GPM6B: variants seen among roughly 807,000 people sequenced by gnomAD.
The protein encoded by GPM6B is glycoprotein M6B.
A neutral mutation model predicts 27.2 loss-of-function variants in GPM6B; 4 were observed. The ratio of observed to expected loss-of-function variants is 0.15; its 90% CI spans 0.07 to 0.34. GPM6B has a LOEUF of 0.34. Among genes scored for constraint, GPM6B ranks in the 10% least tolerant of loss-of-function variants. The pLI is 1.00. For synonymous variants in GPM6B, 124 were observed against 103.1 expected, an observed-to-expected ratio of 1.20 and a Z score of -1.23; for missense variants, 183 against 261.9, an observed-to-expected ratio of 0.70 and a Z score of 2.08.
chrX:13,786,131 G>C (rs991725473), intron 2 of GPM6B, among the ~76,000 whole-genome samples: 1 of 112,499 alleles, frequency 8.9e-6, no homozygotes, highest in Admixed American at 9.3e-5. Context: ...CTGAGTGGTG[G>C]GGGGAGCCCC....
intron 2 of GPM6B, among the ~76,000 whole-genome samples, chrX:13,798,174 C>A (rs1454051130): frequency 9.0e-6 from 1 of 110,792 alleles, no homozygotes; most frequent in East Asian, 2.8e-4. Flanking sequence ...TCAATTTCTA[C>A]AAGACACACT....
At chrX:13,913,627 A>G (rs2050400054) in intron 1 of GPM6B, among the ~76,000 whole-genome samples, 1 of 112,536 alleles carries the variant, frequency 8.9e-6, no homozygotes, top group Non-Finnish European at 1.9e-5. Context: ...AATGCTAACC[A>G]TAAACAGTTG....
At chrX:13,779,244 A>G (rs939090397) in intron 5 of GPM6B, among the ~76,000 whole-genome samples, 6 of 112,056 alleles carry the variant, frequency 5.4e-5, no homozygotes, top group African/African-American at 1.9e-4. Flanking sequence ...CATTGTAAGG[A>G]TCTCACTCAT....
In GPM6B at chrX:13,935,802, A is replaced by G. The variant is rs183483993; in HGVS notation, c.-198+2525T>C. ...GTGTGCACTCTCACTCACCTTCACA[A>G]TATGTGCAGCCAAACATGGAACCCT... is the stretch of plus-strand genomic sequence containing the variant. On this transcript the variant is annotated intron_variant, in intron 1 of 6. Coordinates refer to the GPM6B transcript ENST00000398361. Among the ~76,000 whole-genome samples the G allele has an allele frequency of 2.1e-3, 236 of 112,402 alleles. 2 individuals are homozygous for G. The highest frequency in any genetic ancestry group is 4.6e-3 in the Middle Eastern group (1 of 218).
At chrX:13,900,553 C>T (rs7052958) in intron 1 of GPM6B, among the ~76,000 whole-genome samples, 35,827 of 110,154 alleles carry the variant, frequency 0.33, 4,588 homozygotes, top group East Asian at 0.82. Context: ...ATTCTGACGT[C>T]ATGTAGTTCA....
At chrX:13,786,273 G>A (rs186470923) in intron 2 of GPM6B, among the ~76,000 whole-genome samples, 4 of 112,345 alleles carry the variant, frequency 3.6e-5, no homozygotes, top group Non-Finnish European at 5.6e-5. Flanking sequence ...GTTTCAATAC[G>A]TCTGCTGCTG....
At chrX:13,920,032 G>A (rs1427255120) in intron 1 of GPM6B, among the ~76,000 whole-genome samples, 1 of 110,769 alleles carries the variant, frequency 9.0e-6, no homozygotes, top group African/African-American at 3.3e-5. Context: ...GGGAGGCCTA[G>A]GCAGGTGGAC....
intron 7 of GPM6B, among the ~76,000 whole-genome samples, chrX:13,775,341 C>T (rs906709094): frequency 4.2e-4 from 47 of 113,183 alleles, no homozygotes; most frequent in African/African-American, 1.2e-3. Flanking sequence ...AGTTGAGTTG[C>T]CCGGTATGCA....
chrX:13,862,957 A>G (rs1355963262), intron 1 of GPM6B, among the ~76,000 whole-genome samples: 2 of 110,237 alleles, frequency 1.8e-5, no homozygotes, highest in Non-Finnish European at 3.8e-5. Flanking sequence ...TTGGTCTCCC[A>G]AAGTGCTGGG....
At chrX:13,790,943 TC>T (rs1423794535) in intron 2 of GPM6B, among the ~76,000 whole-genome samples, 1 of 111,739 alleles carries the variant, frequency 8.9e-6, no homozygotes, top group Non-Finnish European at 1.9e-5. Context: ...ATTCAGGCTG[TC>T]CTTAGTAGTC....
intron 1 of GPM6B, among the ~76,000 whole-genome samples, chrX:13,926,276 C>T (rs1032273493): frequency 2.8e-5 from 3 of 106,841 alleles, no homozygotes; most frequent in African/African-American, 6.8e-5. Flanking sequence ...GGCGTAGTGG[C>T]GGGCGCCTGT....
intron 1 of GPM6B, among the ~76,000 whole-genome samples, chrX:13,914,936 T>G (rs902255408): frequency 9.0e-6 from 1 of 110,707 alleles, no homozygotes; most frequent in Admixed American, 9.6e-5. Context: ...CTGGCCCAAT[T>G]GATTGTGACT....
intron 1 of GPM6B, among the ~76,000 whole-genome samples, chrX:13,840,526 G>A (rs752703666): frequency 9.8e-5 from 11 of 111,741 alleles, no homozygotes; most frequent in Admixed American, 7.6e-4. Context: ...AACATCAGAT[G>A]ATACTTCTTG....
At position 13,865,150 on chromosome X, in the gene GPM6B, G is replaced by A. The variant is rs551978366; in HGVS notation, c.-198+73177C>T. 4.5e-5 allele frequency among the ~76,000 whole-genome samples: 5 copies of A among 111,231 alleles called. No individual in the cohort carries two copies. In the South Asian group the frequency reaches 1.5e-3, roughly 34 times the overall value. On this transcript the variant is annotated intron_variant, in intron 1 of 6. Transcript: ENST00000398361. ...TACTGTATGTGATAAATGTGGCAAA[G>A]ATTGCATAGTGAAAAAGCTGGGAGG...
At chrX:13,817,892 A>G (rs755239523), upstream of GPM6B, among the ~76,000 whole-genome samples, 1 of 112,389 alleles carries the variant, frequency 8.9e-6, no homozygotes, top group East Asian at 2.8e-4. Flanking sequence ...TCGAGCTGAC[A>G]TTTTGGTAGT....
intron 2 of GPM6B, among the ~76,000 whole-genome samples, chrX:13,803,678 A>G (rs1314406014): frequency 8.9e-6 from 1 of 112,124 alleles, no homozygotes; most frequent in Non-Finnish European, 1.9e-5. Context: ...TCATTGGATT[A>G]TATTAAAGAG....
chrX:13,827,081 C>T (rs754271672), intron 1 of GPM6B, among the ~76,000 whole-genome samples: 17 of 110,019 alleles, frequency 1.5e-4, no homozygotes, highest in South Asian at 3.9e-4. Context: ...TATTCTCTCA[C>T]TCAAAGAGTC....
chrX:13,894,620 AT>A (rs1381807675), intron 1 of GPM6B, among the ~76,000 whole-genome samples: 4 of 112,397 alleles, frequency 3.6e-5, no homozygotes, highest in Non-Finnish European at 7.5e-5. Flanking sequence ...AAATTAAATC[AT>A]AGCCTCACAC....
chrX:13,804,313 T>C (rs2048976268), intron 2 of GPM6B, among the ~76,000 whole-genome samples: 1 of 108,321 alleles, frequency 9.2e-6, no homozygotes. Flanking sequence ...AAGCACAATA[T>C]GCCACTGACT....
Sources: allele counts gnomAD v4.1 joint callset (sites outside exome capture counted in the v4.1 genomes callset), GRCh38; gene constraint gnomAD v4.1.1; transcripts MANE v1.5; gene names NCBI Gene and HGNC (gene_info 2026-07-23, HGNC 2026-07-21).